DACH2: variants seen among roughly 807,000 people sequenced by gnomAD.
The protein encoded by DACH2 is dachshund homolog 2.
Under a neutral mutation model 35.8 loss-of-function variants are expected in DACH2, and 17 were observed. The observed-to-expected ratio is 0.48, with a 90% confidence interval of 0.33 to 0.71. DACH2 has a LOEUF of 0.71. Among genes scored for constraint, DACH2 ranks in the 30% least tolerant of loss-of-function variants. The pLI, the probability that DACH2 is intolerant of heterozygous loss-of-function variation, is 0.02. For synonymous variants in DACH2, 195 were observed against 177.3 expected (o/e 1.10, Z -0.79); for missense variants, 469 against 472.7 (o/e 0.99, Z 0.07).
At chrX:86,754,580 C>T (rs149702512) in intron 7 of DACH2, among the ~76,000 whole-genome samples, 1,791 of 110,706 alleles carry the variant, frequency 0.016, 35 homozygotes, top group African/African-American at 0.056. Flanking sequence ...CCCGCTCCCA[C>T]CCTAACACCC....
chrX:86,413,246 A>T (rs1285328382), intron 2 of DACH2, among the ~76,000 whole-genome samples: 1 of 112,316 alleles, frequency 8.9e-6, no homozygotes, highest in Non-Finnish European at 1.9e-5. Context: ...ATTTTGCAGA[A>T]GGAAAAAGCA....
chrX:86,599,466 T>TTTTCTTTTCTTTCTTTCTTTC, intron 3 of DACH2, among the ~76,000 whole-genome samples: 1 of 62,777 alleles, frequency 1.6e-5, no homozygotes, highest in Admixed American at 2.2e-4. Flanking sequence ...TCCTTCCTTC[T>TTTTCTTTTCTTTCTTTCTTTC]TTTCTTTCTT....
At chrX:86,166,398 T>A (rs1462290886) in intron 1 of DACH2, among the ~76,000 whole-genome samples, 1 of 112,030 alleles carries the variant, frequency 8.9e-6, no homozygotes. Context: ...GCTACTGATA[T>A]TTGTACGTTG....
intron 2 of DACH2, among the ~76,000 whole-genome samples, chrX:86,502,426 A>G (rs1040974580): frequency 8.9e-6 from 1 of 111,774 alleles, no homozygotes; most frequent in Non-Finnish European, 1.9e-5. Flanking sequence ...AGAACTTTAA[A>G]TCTTCAGTGG....
At chrX:86,207,372 G>A (rs1363872876) in intron 1 of DACH2, among the ~76,000 whole-genome samples, 3 of 110,964 alleles carry the variant, frequency 2.7e-5, no homozygotes, top group Non-Finnish European at 3.8e-5. Context: ...TTTGGCACTG[G>A]TGCGAGGATC....
rs768364282 is a variant in DACH2, at chrX:86,542,069, A to G, written c.640+27678A>G. Among the ~76,000 whole-genome samples, 13 of 111,556 alleles carry G rather than the reference A, an allele frequency of 1.2e-4. No individual in the cohort carries two copies. The East Asian group carries it at 3.7e-3, about 32-fold the overall frequency. ...ATTTTTTTTTCTTACAGAGGCAGTG[A>G]TGTAAAGATGTAGGATATTCTGTCA... On this transcript the variant is annotated intron_variant, in intron 3 of 11. Transcript: ENST00000373125.
intron 2 of DACH2, among the ~76,000 whole-genome samples, chrX:86,439,207 C>T (rs886784584): frequency 2.7e-5 from 3 of 111,677 alleles, no homozygotes; most frequent in African/African-American, 9.7e-5. Flanking sequence ...TGGGAAATGT[C>T]TATTCATGTT....
At chrX:86,450,002 C>T (rs2037343395) in intron 2 of DACH2, among the ~76,000 whole-genome samples, 1 of 111,623 alleles carries the variant, frequency 9.0e-6, no homozygotes, top group South Asian at 3.7e-4. Context: ...TCAGGTTACT[C>T]ATTAATGTAT....
intron 1 of DACH2, among the ~76,000 whole-genome samples, chrX:86,366,785 G>A (rs1204529312): frequency 2.7e-5 from 3 of 109,299 alleles, no homozygotes; most frequent in Non-Finnish European, 5.7e-5. Flanking sequence ...AAGAGTCTGC[G>A]ACCCCACCCC....
intron 2 of DACH2, among the ~76,000 whole-genome samples, chrX:86,460,091 A>T (rs1244476185): frequency 9.0e-6 from 1 of 110,628 alleles, no homozygotes; most frequent in African/African-American, 3.3e-5. Flanking sequence ...AAAGCTGAAA[A>T]CCTTAGCCTG....
chrX:86,728,923 T>C (rs937190509), intron 6 of DACH2, among the ~76,000 whole-genome samples: 1 of 112,804 alleles, frequency 8.9e-6, no homozygotes. Context: ...GAACCTCTAC[T>C]AGGGCAGTGC....
intron 1 of DACH2, among the ~76,000 whole-genome samples, chrX:86,267,811 C>T (rs1358414414): frequency 1.8e-5 from 2 of 112,161 alleles, no homozygotes; most frequent in African/African-American, 6.5e-5. Flanking sequence ...TGTCCCCCCA[C>T]CCCATTTGCT....
At chrX:86,623,615 G>T (rs973517354) in intron 3 of DACH2, among the ~76,000 whole-genome samples, 56 of 111,583 alleles carry the variant, frequency 5.0e-4, no homozygotes, top group African/African-American at 1.8e-3. Flanking sequence ...TTTTGTAGGT[G>T]AGCAATGTGA....
At chrX:86,477,363 TA>T (rs2037861526) in intron 2 of DACH2, among the ~76,000 whole-genome samples, 2 of 100,612 alleles carry the variant, frequency 2.0e-5, no homozygotes, top group Non-Finnish European at 4.0e-5. Context: ...TATATATATA[TA>T]TATATAATTG....
rs181047533 is a variant in DACH2, at chrX:86,219,786, A to T, written c.488+70678A>T. On this transcript the variant is annotated intron_variant, in intron 1 of 11. Transcript: ENST00000373125. ...AAACTGCACATATTTAATATGTATAATTTGATGGATTTGAACACATGCACC... is the reference window on the plus strand; with the variant it reads ...AAACTGCACATATTTAATATGTATATTTTGATGGATTTGAACACATGCACC... Among the ~76,000 whole-genome samples, 3 of 110,052 alleles carry T rather than the reference A, an allele frequency of 2.7e-5. No homozygotes were observed. In the East Asian group the frequency reaches 8.5e-4, roughly 31 times the overall value.
chrX:86,251,002 G>T lies in DACH2; in HGVS notation c.488+101894G>T, dbSNP rs971551980. Among the ~76,000 whole-genome samples the T allele has an allele frequency of 3.6e-5, 4 of 111,091 alleles. 1 individual carries two copies. In the Middle Eastern group the frequency reaches 0.014, roughly 389 times the overall value. ...TTAACTTTCTGGAGCTGCAATTGAGGTTTCCAGTTTCAAAAAGGTAGGTGT... is the reference window on the plus strand; with the variant it reads ...TTAACTTTCTGGAGCTGCAATTGAGTTTTCCAGTTTCAAAAAGGTAGGTGT... On this transcript the variant is annotated intron_variant, in intron 1 of 11. Coordinates refer to ENST00000373125, the MANE Select transcript of DACH2 (RefSeq NM_053281.3).
chrX:86,515,092 C>A (rs1450426898), intron 3 of DACH2, among the ~76,000 whole-genome samples: 1 of 111,062 alleles, frequency 9.0e-6, no homozygotes, highest in Non-Finnish European at 1.9e-5. Flanking sequence ...AATTTAATAA[C>A]AATGATATCT....
chrX:86,346,232 T>TA (rs2035494377), intron 1 of DACH2, among the ~76,000 whole-genome samples: 1 of 111,090 alleles, frequency 9.0e-6, no homozygotes, highest in African/African-American at 3.3e-5. Flanking sequence ...TTCATCCTGT[T>TA]ACCATTTCTC....
chrX:86,465,490 A>T (rs2148215574), intron 2 of DACH2, among the ~76,000 whole-genome samples: 1 of 111,756 alleles, frequency 8.9e-6, no homozygotes, highest in South Asian at 3.8e-4. Flanking sequence ...AAGGGGCACC[A>T]CATACAATGA....
Sources: allele counts gnomAD v4.1 joint callset (sites outside exome capture counted in the v4.1 genomes callset), GRCh38; gene constraint gnomAD v4.1.1; transcripts MANE v1.5; gene names NCBI Gene and HGNC (gene_info 2026-07-23, HGNC 2026-07-21).